Variants in SVIL observed in about 807,000 individuals in gnomAD.
SVIL encodes supervillin.
SVIL carries 101 observed loss-of-function variants against 240.4 expected under a neutral mutation model. The observed-to-expected ratio is 0.42, with a 90% CI of 0.36 to 0.50. SVIL has a LOEUF of 0.50. SVIL is among the 20% of genes least tolerant of loss of function. The probability of loss-of-function intolerance (pLI) is 0.01; values close to 1 mark genes in which losing one functional copy is unlikely to be tolerated. For synonymous variants in SVIL, 999 were observed against 1,100.0 expected, an observed-to-expected ratio of 0.91 and a Z score of 1.82; for missense variants, 2,512 against 2,818.7, an observed-to-expected ratio of 0.89 and a Z score of 2.46.
intron 13 of SVIL, 90 bp downstream of exon 13, chr10:29,526,871 A>C (rs757679087): frequency 9.0e-7 from 1 of 1,115,938 alleles, no homozygotes; most frequent in Non-Finnish European, 1.2e-6. Flanking sequence ...TTGTTTGTCA[A>C]ACAAACGACA....
At chr10:29,656,563 C>T (rs1247719709) in intron 3 of SVIL, among the ~76,000 whole-genome samples, 5 of 151,958 alleles carry the variant, frequency 3.3e-5, no homozygotes, top group Admixed American at 2.6e-4. Context: ...CAGGAAATGA[C>T]CTTCAGGCCT....
At chr10:29,647,210 C>A (rs987669065) in intron 3 of SVIL, 3 of 152,232 alleles carry the variant, frequency 2.0e-5, no homozygotes, top group Non-Finnish European at 4.4e-5. Context: ...AAGAAGTACA[C>A]CAAAGCTCCC....
chr10:29,577,820 C>G (rs1955770437), intron 1 of SVIL, among the ~76,000 whole-genome samples: 1 of 152,052 alleles, frequency 6.6e-6, no homozygotes, highest in South Asian at 2.1e-4. Flanking sequence ...CAATCCCATT[C>G]ATAATTGTAT....
chr10:29,631,835 C>T (rs919164146), intron 1 of SVIL, among the ~76,000 whole-genome samples: 2 of 152,082 alleles, frequency 1.3e-5, no homozygotes, highest in Admixed American at 1.3e-4. Flanking sequence ...GCAGAGGCCT[C>T]GGGGACCTAA....
chr10:29,594,080 C>CT (rs1270060061), intron 1 of SVIL, among the ~76,000 whole-genome samples: 11 of 152,180 alleles, frequency 7.2e-5, no homozygotes, highest in Admixed American at 6.5e-4. Flanking sequence ...GACAATGACA[C>CT]TTTTGATTTC....
intron 1 of SVIL, among the ~76,000 whole-genome samples, chr10:29,586,039 T>C (rs1159821872): frequency 6.6e-6 from 1 of 152,230 alleles, no homozygotes; most frequent in Admixed American, 6.5e-5. Context: ...AAGTGCCGTC[T>C]TCACTAACTT....
chr10:29,480,880 T>C (rs1946758357), intron 28 of SVIL, 67 bp from the exon 29 acceptor site: 1 of 1,533,934 alleles, frequency 6.5e-7, no homozygotes, highest in Non-Finnish European at 8.8e-7. Flanking sequence ...TCATGCTCAA[T>C]GCTGCTTCAG....
At chr10:29,508,373 G>T in intron 17 of SVIL, 1 of 1,289,242 alleles carries the variant, frequency 7.8e-7, no homozygotes, top group Non-Finnish European at 1.0e-6. Flanking sequence ...ACTATCATCC[G>T]CAACTCCTCC....
chr10:29,669,843 G>A (rs1009997754), intron 2 of SVIL, among the ~76,000 whole-genome samples: 1 of 152,212 alleles, frequency 6.6e-6, no homozygotes, highest in African/African-American at 2.4e-5. Context: ...TGCCGGCTGT[G>A]GTGGCAACGC....
chr10:29,622,249 C>CAAA (rs71020801), intron 1 of SVIL, among the ~76,000 whole-genome samples: 1,446 of 51,510 alleles, frequency 0.028, 254 homozygotes, highest in South Asian at 0.033. Flanking sequence ...GACTCCGTCT[C>CAAA]AAAAAAAAAA....
upstream of SVIL, among the ~76,000 whole-genome samples, chr10:29,636,109 T>C (rs1958302723): frequency 2.0e-5 from 3 of 152,080 alleles, no homozygotes; most frequent in South Asian, 6.2e-4. Flanking sequence ...ACTGTTTTTT[T>C]TTTTTTTTAC....
intron 3 of SVIL, among the ~76,000 whole-genome samples, chr10:29,649,520 G>A (rs919638685): frequency 4.5e-4 from 68 of 152,144 alleles, no homozygotes; most frequent in African/African-American, 1.6e-3. Flanking sequence ...TTCATGCCAA[G>A]CCAGCTAGAA....
chr10:29,524,420 A>G, intron 14 of SVIL, 52 bp downstream of exon 14: 2 of 1,606,478 alleles, frequency 1.2e-6, no homozygotes, highest in Non-Finnish European at 1.7e-6. Context: ...CTGCAGTGCT[A>G]TAATTTAAGA....
chr10:29,512,288 A>C (rs1052162801), intron 17 of SVIL, among the ~76,000 whole-genome samples: 1 of 152,250 alleles, frequency 6.6e-6, no homozygotes, highest in Non-Finnish European at 1.5e-5. Flanking sequence ...GATGAACTAA[A>C]TACTCATAAA....
At chr10:29,632,094 C>T (rs1035778685) in intron 1 of SVIL, among the ~76,000 whole-genome samples, 9 of 152,198 alleles carry the variant, frequency 5.9e-5, no homozygotes, top group East Asian at 3.8e-4. Context: ...CTCTCCATAA[C>T]GCTCCATGTA....
chr10:29,730,010 C>G (rs775469007), intron 1 of SVIL, among the ~76,000 whole-genome samples: 19 of 150,080 alleles, frequency 1.3e-4, no homozygotes, highest in Non-Finnish European at 2.4e-4. Context: ...GGCAACATTT[C>G]TCTATAATTT....
upstream of SVIL, among the ~76,000 whole-genome samples, chr10:29,736,196 C>T (rs1964893378): frequency 6.6e-6 from 1 of 152,212 alleles, no homozygotes; most frequent in South Asian, 2.1e-4. Context: ...GAGCCGACCC[C>T]CTCCACGGCC....
chr10:29,664,465 G>A (rs1423625675), intron 2 of SVIL, among the ~76,000 whole-genome samples: 1 of 151,994 alleles, frequency 6.6e-6, no homozygotes, highest in Non-Finnish European at 1.5e-5. Context: ...ACCTCTCCCT[G>A]TCTCCTTAAT....
intron 2 of SVIL, among the ~76,000 whole-genome samples, chr10:29,680,391 C>T (rs543784702): frequency 6.6e-6 from 1 of 152,106 alleles, no homozygotes; most frequent in Admixed American, 6.5e-5. Context: ...GAAGGTGTTC[C>T]AGGTAGTATG....
Sources: gnomAD v4.1 joint callset for allele counts (sites outside exome capture counted in the v4.1 genomes callset) on GRCh38, gnomAD v4.1.1 for gene constraint, MANE v1.5 for transcripts, NCBI Gene and HGNC (gene_info 2026-07-23, HGNC 2026-07-21) for gene names.